PER3: variants seen among roughly 807,000 people sequenced by gnomAD.
The protein encoded by PER3 is period circadian protein homolog 3.
PER3 carries 107 observed loss-of-function variants against 127.2 expected under a neutral mutation model. The ratio of observed to expected loss-of-function variants is 0.84; its 90% CI spans 0.72 to 0.99. The LOEUF is 0.99. Ranked by LOEUF, PER3 falls within the 50% of genes least tolerant of loss-of-function variation. PER3 has a pLI of 0.00. For missense variants in PER3, 1,560 were observed against 1,525.8 expected (o/e 1.02, Z -0.37); for synonymous variants, 618 against 585.8 (o/e 1.05, Z -0.79).
rs1394409344 is a variant in PER3, at chr1:7,787,958, G to A, written c.391-87G>A. On this transcript the variant is annotated intron_variant, in intron 4 of 21. Coordinates refer to ENST00000377532, the MANE Select transcript of PER3 (RefSeq NM_001377275.1). ...CTGTGTATTTTAAGATACTGGTCAT[G>A]TTAGAGATCCAGAAGAAATTTACCT... 6.4e-6 allele frequency: 6 copies of A among 942,084 alleles called. No individual in the cohort carries two copies. In the Admixed American group the frequency reaches 7.0e-5, roughly 11 times the overall value. 58.4% of individuals were successfully genotyped at this position (942,084 alleles called of 1,614,324 possible).
chr1:7,809,991 G>A lies in PER3; in HGVS notation c.1341G>A (p.Gly447=). ...TCGCCTCCTCCAGTGAGGCCAGTGG[G>A]CACCGTGTGGAGGAGACGAAGGCGG... ...VSIASSSEAS[G]HRVEETKAEQ... Residue 447 remains glycine, a synonymous_variant, in exon 12 of 22, where the codon GGG becomes GGA. Coordinates refer to ENST00000377532, the MANE Select transcript of PER3 (RefSeq NM_001377275.1). 1.2e-6 allele frequency: 2 copies of A among 1,613,998 alleles called. No individual in the cohort carries two copies.
At chr1:7,810,753 A>G in intron 13 of PER3, 165 bp downstream of exon 13, 1 of 527,850 alleles carries the variant, frequency 1.9e-6, no homozygotes, top group Non-Finnish European at 3.3e-6. Flanking sequence ...TAGTAATAAT[A>G]ATGGCAGCAA....
intron 16 of PER3, among the ~76,000 whole-genome samples, chr1:7,821,971 A>G (rs2097278860): frequency 6.6e-6 from 1 of 152,218 alleles, no homozygotes; most frequent in South Asian, 2.1e-4. Flanking sequence ...GAACAATTAA[A>G]CCACAAATTA....
chr1:7,830,756 A>G (rs1021465077), intron 19 of PER3, among the ~76,000 whole-genome samples: 2 of 152,170 alleles, frequency 1.3e-5, no homozygotes, highest in African/African-American at 2.4e-5. Flanking sequence ...AATTGCCGTG[A>G]TGCCTTTGTT....
chr1:7,820,028 C>A, intron 14 of PER3, 87 bp from the exon 15 acceptor site: 1 of 1,328,814 alleles, frequency 7.5e-7, no homozygotes, highest in South Asian at 1.3e-5. Flanking sequence ...GTATGCCAAA[C>A]ATAAGTGGCA....
At position 7,830,271 on chromosome 1, in the gene PER3, TTC is replaced by T; in HGVS notation, c.3214+112_3214+113del. ...TGATGTGGAAGTACAAGGTTTTTTT[TTC>T]TTTTTCCCTTTTTCCTTTTTGTCAG... On this transcript the variant is annotated intron_variant, in intron 19 of 21. Transcript: ENST00000377532. The T allele has an allele frequency of 7.1e-6, 7 of 988,390 alleles. No homozygotes were observed. In the Admixed American group the frequency reaches 7.8e-5, roughly 11 times the overall value. The allele number at this position is 988,390 out of a possible 1,614,324, so 61.2% of individuals were successfully genotyped here. A position where few individuals can be genotyped will look rare whatever the true frequency, so the allele number is the denominator to read the frequency against.
At chr1:7,833,580 A>G (rs2097343134) in intron 19 of PER3, among the ~76,000 whole-genome samples, 2 of 152,190 alleles carry the variant, frequency 1.3e-5, no homozygotes, top group Non-Finnish European at 2.9e-5. Flanking sequence ...TAGTGTTTAC[A>G]TGGTAAATTT....
intron 14 of PER3, 82 bp from the exon 15 acceptor site, chr1:7,820,033 G>A: frequency 7.3e-7 from 1 of 1,367,684 alleles, no homozygotes; most frequent in Non-Finnish European, 1.0e-6. Context: ...CCAAACATAA[G>A]TGGCATGAGA....
At chr1:7,834,378 A>T (rs1272038965) in intron 19 of PER3, among the ~76,000 whole-genome samples, 1 of 152,174 alleles carries the variant, frequency 6.6e-6, no homozygotes, top group Non-Finnish European at 1.5e-5. Context: ...ACGTGTAAAA[A>T]AACCCACAAT....
At chr1:7,795,345 C>T (rs2097140491) in intron 6 of PER3, among the ~76,000 whole-genome samples, 1 of 152,206 alleles carries the variant, frequency 6.6e-6, no homozygotes, top group African/African-American at 2.4e-5. Context: ...CAATAATAAA[C>T]ACATATTCAA....
At chr1:7,798,736 T>A (rs1211582569) in intron 7 of PER3, 63 bp downstream of exon 7, 2 of 1,382,924 alleles carry the variant, frequency 1.4e-6, no homozygotes, top group Non-Finnish European at 2.1e-6. Flanking sequence ...AAAGTCTGTT[T>A]ACGTCAGTCA....
At chr1:7,786,914 A>G (rs1308825792) in intron 4 of PER3, 78 bp downstream of exon 4, 1 of 824,040 alleles carries the variant, frequency 1.2e-6, no homozygotes, top group Non-Finnish European at 2.1e-6. Context: ...GCTTTTAAGA[A>G]GGATAACAAC....
intron 8 of PER3, among the ~76,000 whole-genome samples, chr1:7,801,896 AC>A (rs2150693849): frequency 6.6e-6 from 1 of 152,286 alleles, no homozygotes; most frequent in African/African-American, 2.4e-5. Context: ...AACACACCAC[AC>A]CACACATAAC....
intron 5 of PER3, 134 bp from the exon 6 acceptor site, chr1:7,793,823 G>T: frequency 1.3e-6 from 1 of 753,324 alleles, no homozygotes; most frequent in South Asian, 1.6e-5. Context: ...AATGAAGGAA[G>T]GGGGTTCTAT....
Position 7,818,128 on chromosome 1 carries a change from TTGAG to T in PER3, c.1523-1154_1523-1151del, listed in dbSNP as rs1467918231. ...TTCTGACCCTGAACGGAAAACAACA[TTGAG>T]TGGTAAACTGATAAAATCCAAAGAA... On this transcript the variant is annotated intron_variant, in intron 13 of 21. Transcript: ENST00000377532. Among the ~76,000 whole-genome samples the T allele has an allele frequency of 4.6e-5, 7 of 152,212 alleles. No individual in the cohort carries two copies. In the East Asian group the frequency reaches 1.4e-3, roughly 29 times the overall value.
intron 18 of PER3, among the ~76,000 whole-genome samples, chr1:7,829,441 C>T (rs542228527): frequency 3.9e-5 from 6 of 152,182 alleles, no homozygotes; most frequent in African/African-American, 1.4e-4. Flanking sequence ...TTTATGACTT[C>T]TCTTTGGCAT....
Position 7,827,115 on chromosome 1 carries a change from CAGG to C in PER3, c.2189_2191del (p.Gly730del). 2 of 1,582,092 alleles carry C rather than the reference CAGG, an allele frequency of 1.3e-6. No homozygotes were observed. The highest frequency in any genetic ancestry group is 1.8e-5 in the Admixed American group (1 of 54,514). ...TAATTTGCCTCTACCTTTATCCTTC[CAGG>C]AGATTCTACTTCCAAGCAGACGCGG... is the stretch of plus-strand genomic sequence containing the variant. On this transcript the variant is annotated splice_acceptor_variant and coding_sequence_variant, in exon 18 of 22. Transcript: ENST00000377532. LOFTEE classifies it high-confidence loss of function.
intron 13 of PER3, among the ~76,000 whole-genome samples, chr1:7,814,952 A>G (rs2097240428): frequency 6.6e-6 from 1 of 152,200 alleles, no homozygotes; most frequent in Admixed American, 6.5e-5. Flanking sequence ...AAGTTAATAG[A>G]GGAGGTAAAA....
At chr1:7,819,166 C>T in intron 13 of PER3, 119 bp from the exon 14 acceptor site, 1 of 767,350 alleles carries the variant, frequency 1.3e-6, no homozygotes, top group Non-Finnish European at 2.1e-6. Context: ...TTAATAGCCG[C>T]ATGATATTCT....
Sources: allele counts gnomAD v4.1 joint callset (sites outside exome capture counted in the v4.1 genomes callset), GRCh38; gene constraint gnomAD v4.1.1; transcripts MANE v1.5; gene names NCBI Gene and HGNC (gene_info 2026-07-23, HGNC 2026-07-21).